NCKAP5: variants seen among roughly 807,000 people sequenced by gnomAD.
NCKAP5 encodes the protein NCK associated protein 5.
In NCKAP5, 92 loss-of-function variants were observed where a neutral mutation model predicts 167.0. The ratio of observed to expected loss-of-function variants is 0.55; its 90% CI spans 0.47 to 0.66. The LOEUF (loss-of-function observed/expected upper bound fraction) is 0.66, where lower values mean the gene tolerates loss of function less well. Among genes scored for constraint, NCKAP5 ranks in the 30% least tolerant of loss-of-function variants. NCKAP5 has a pLI of 0.00. For synonymous variants in NCKAP5, 891 were observed against 877.4 expected (o/e 1.02, Z -0.27); for missense variants, 2,378 against 2,315.0 (o/e 1.03, Z -0.56).
chr2:133,396,975 G>C (rs1179938941), intron 3 of NCKAP5, among the ~76,000 whole-genome samples: 2 of 152,192 alleles, frequency 1.3e-5, no homozygotes, highest in African/African-American at 4.8e-5. Flanking sequence ...ATGCAGAATG[G>C]TGTGAAGACT....
Position 133,388,677 on chromosome 2 carries a change from G to T in NCKAP5, c.70-85567C>A, listed in dbSNP as rs866739085. ...GGCAGGCCTCCTTGAACTGTGGTGG[G>T]ATCCACCCAGTCCAAGCTTCCCGGC... On this transcript the variant is annotated intron_variant, in intron 3 of 19. Coordinates refer to ENST00000409261, the MANE Select transcript of NCKAP5 (RefSeq NM_207363.3). Among the ~76,000 whole-genome samples the T allele has an allele frequency of 4.6e-5, 7 of 152,322 alleles. No homozygotes were observed. The Middle Eastern group carries it at 0.01, about 222-fold the overall frequency.
At chr2:132,796,766 A>C in intron 11 of NCKAP5, 37 bp from the exon 12 acceptor site, 4 of 1,371,164 alleles carry the variant, frequency 2.9e-6, no homozygotes, top group Non-Finnish European at 4.1e-6. Context: ...AATAGCGATA[A>C]TTTAATTATT....
At chr2:132,922,656 TGC>T (rs1695534739) in intron 8 of NCKAP5, among the ~76,000 whole-genome samples, 8 of 152,284 alleles carry the variant, frequency 5.3e-5, no homozygotes, top group African/African-American at 1.9e-4. Context: ...CATATTGCAA[TGC>T]ATTATATAAT....
chr2:132,764,946 T>C, intron 16 of NCKAP5, among the ~76,000 whole-genome samples: 1 of 152,232 alleles, frequency 6.6e-6, no homozygotes, highest in East Asian at 1.9e-4. Flanking sequence ...ATTGGTAATA[T>C]TCTTGAAATG....
chr2:133,074,106 G>T (rs570258719), intron 6 of NCKAP5, among the ~76,000 whole-genome samples: 1 of 152,234 alleles, frequency 6.6e-6, no homozygotes, highest in Non-Finnish European at 1.5e-5. Context: ...ATACACCAAA[G>T]ACTACTCAGT....
intron 3 of NCKAP5, among the ~76,000 whole-genome samples, chr2:133,330,413 AT>A (rs1221097872): frequency 1.4e-5 from 2 of 142,364 alleles, no homozygotes; most frequent in Admixed American, 7.0e-5. Context: ...TTTTTTTCTT[AT>A]TAAATGTATC....
chr2:133,054,724 A>G (rs1426019150), intron 6 of NCKAP5, among the ~76,000 whole-genome samples: 1 of 152,194 alleles, frequency 6.6e-6, no homozygotes, highest in African/African-American at 2.4e-5. Flanking sequence ...AAAGTAAAGT[A>G]TCCTCACATG....
chr2:133,600,616 C>G, the NCKAP5 span, among the ~76,000 whole-genome samples: 6 of 152,298 alleles, frequency 3.9e-5, no homozygotes, highest in South Asian at 2.1e-4. Context: ...CAGGAGATAT[C>G]GCTGGCACCC....
chr2:133,034,765 T>C (rs2078988862), intron 6 of NCKAP5, among the ~76,000 whole-genome samples: 1 of 151,752 alleles, frequency 6.6e-6, no homozygotes, highest in Non-Finnish European at 1.5e-5. Flanking sequence ...AAACATACAA[T>C]GAATACACAA....
At position 133,186,882 on chromosome 2, in the gene NCKAP5, T is replaced by C. The variant is rs78729016; in HGVS notation, c.207+26834A>G. 4.0e-3 allele frequency among the ~76,000 whole-genome samples: 611 copies of C among 152,154 alleles called. 3 individuals are homozygous for C. Among genetic ancestry groups the C allele is most frequent in the African/African-American group, 0.014 (590 of 41,514 alleles). ...CCTAGCTAGCAGTCTGTCAATCTTG[T>C]TTATTCTTTTGAAGAACTAGCTCTT... is the stretch of plus-strand genomic sequence containing the variant. On this transcript the variant is annotated intron_variant, in intron 5 of 19. Coordinates refer to ENST00000409261, the MANE Select transcript of NCKAP5 (RefSeq NM_207363.3).
chr2:132,730,322 C>G (rs1454149614), intron 17 of NCKAP5, among the ~76,000 whole-genome samples: 1 of 152,092 alleles, frequency 6.6e-6, no homozygotes, highest in Non-Finnish European at 1.5e-5. Context: ...GGCGAAACCC[C>G]ATCTCTACTA....
chr2:133,541,724 T>A (rs1232929506), intron 2 of NCKAP5, among the ~76,000 whole-genome samples: 3 of 152,184 alleles, frequency 2.0e-5, no homozygotes, highest in East Asian at 3.9e-4. Flanking sequence ...AAAATTAGTG[T>A]TAACATTGGG....
intron 3 of NCKAP5, among the ~76,000 whole-genome samples, chr2:133,321,064 G>A (rs1682015986): frequency 6.6e-6 from 1 of 152,198 alleles, no homozygotes; most frequent in African/African-American, 2.4e-5. Flanking sequence ...CACTAAAGAA[G>A]TGGAGGCTCC....
intron 11 of NCKAP5, among the ~76,000 whole-genome samples, chr2:132,846,122 A>G (rs957466005): frequency 6.6e-6 from 1 of 152,062 alleles, no homozygotes; most frequent in Non-Finnish European, 1.5e-5. Flanking sequence ...GTGTTTTTCT[A>G]ATATCAGCGT....
At chr2:133,058,114 C>A (rs948666423) in intron 6 of NCKAP5, among the ~76,000 whole-genome samples, 1 of 152,046 alleles carries the variant, frequency 6.6e-6, no homozygotes, top group Non-Finnish European at 1.5e-5. Flanking sequence ...GTGTTGAGAC[C>A]TACTGCTTAG....
intron 3 of NCKAP5, among the ~76,000 whole-genome samples, chr2:133,434,679 G>A (rs1690361568): frequency 6.6e-6 from 1 of 152,204 alleles, no homozygotes; most frequent in South Asian, 2.1e-4. Context: ...AACATCTTAA[G>A]AGTAGTTTAT....
chr2:133,604,087 T>C, the NCKAP5 span, among the ~76,000 whole-genome samples: 1 of 151,964 alleles, frequency 6.6e-6, no homozygotes, highest in African/African-American at 2.4e-5. Flanking sequence ...AAAGGAGGAG[T>C]TGTGCGAGGT....
chr2:133,563,186 C>T (rs1339176378), intron 1 of NCKAP5, among the ~76,000 whole-genome samples: 2 of 152,180 alleles, frequency 1.3e-5, no homozygotes, highest in Non-Finnish European at 2.9e-5. Flanking sequence ...GGATTACACT[C>T]TTGACCAAAC....
chr2:133,434,789 A>G (rs924790653), intron 3 of NCKAP5, among the ~76,000 whole-genome samples: 7 of 152,210 alleles, frequency 4.6e-5, no homozygotes, highest in African/African-American at 1.4e-4. Context: ...TTTTCCACCA[A>G]TATTTTTTTT....
Sources: allele counts gnomAD v4.1 joint callset (sites outside exome capture counted in the v4.1 genomes callset), GRCh38; gene constraint gnomAD v4.1.1; transcripts MANE v1.5; gene names NCBI Gene and HGNC (gene_info 2026-07-23, HGNC 2026-07-21).